The following SYT1 variants were observed in gnomAD, a reference collection of about 807,000 sequenced individuals.
SYT1 encodes synaptotagmin-1.
Under a neutral mutation model 44.8 loss-of-function variants are expected in SYT1, and 8 were observed. That is an observed-to-expected ratio of 0.18 (90% CI 0.10 to 0.32). The LOEUF (loss-of-function observed/expected upper bound fraction) is 0.32. Ranked by LOEUF, SYT1 falls within the 10% of genes least tolerant of loss-of-function variation. The probability of loss-of-function intolerance (pLI) is 1.00; values close to 1 mark genes in which losing one functional copy is unlikely to be tolerated. For missense variants in SYT1, 286 were observed against 509.3 expected (o/e 0.56, Z 4.22); for synonymous variants, 154 against 188.8 (o/e 0.82, Z 1.51).
At chr12:79,014,139 G>GAAAAAAAAAAAAAAAAAAAAAAAA (rs1170016597) in intron 2 of SYT1, among the ~76,000 whole-genome samples, 1 of 90,386 alleles carries the variant, frequency 1.1e-5, no homozygotes, top group South Asian at 3.6e-4. Context: ...AAAAAAAAAA[G>GAAAAAAAAAAAAAAAAAAAAAAAA]AAAAAAAAAA....
At chr12:79,072,443 A>G (rs1047502528) in intron 3 of SYT1, among the ~76,000 whole-genome samples, 2 of 152,158 alleles carry the variant, frequency 1.3e-5, no homozygotes, top group African/African-American at 4.8e-5. Context: ...ACACATAAGC[A>G]TAAATACGTA....
At chr12:79,134,813 C>A (rs1057380732) in intron 3 of SYT1, among the ~76,000 whole-genome samples, 1 of 151,952 alleles carries the variant, frequency 6.6e-6, no homozygotes, top group Non-Finnish European at 1.5e-5. Context: ...TGGTGGTCTC[C>A]AGGGGCCACC....
intron 3 of SYT1, among the ~76,000 whole-genome samples, chr12:79,053,085 T>C (rs1012644011): frequency 9.9e-5 from 15 of 152,078 alleles, no homozygotes; most frequent in Non-Finnish European, 2.2e-4. Flanking sequence ...CTATTCACAA[T>C]AGCAAAGACT....
intron 1 of SYT1, among the ~76,000 whole-genome samples, chr12:78,973,830 A>G (rs903145101): frequency 3.4e-5 from 5 of 149,184 alleles, no homozygotes; most frequent in African/African-American, 7.4e-5. Flanking sequence ...TAGGTCCTAG[A>G]CATGTAGCAA....
At chr12:79,084,468 C>T (rs777609560) in intron 3 of SYT1, among the ~76,000 whole-genome samples, 10 of 151,942 alleles carry the variant, frequency 6.6e-5, no homozygotes, top group Non-Finnish European at 1.0e-4. Flanking sequence ...GTAAGGAGAC[C>T]GAGACTCCAA....
At chr12:78,963,766 C>G (rs937761184) in intron 1 of SYT1, among the ~76,000 whole-genome samples, 8 of 152,132 alleles carry the variant, frequency 5.3e-5, no homozygotes, top group African/African-American at 1.7e-4. Flanking sequence ...CAAGAGGAGG[C>G]TTCTCAGAAA....
intron 1 of SYT1, among the ~76,000 whole-genome samples, chr12:78,888,145 A>G (rs181043451): frequency 5.3e-5 from 8 of 152,060 alleles, no homozygotes; most frequent in Admixed American, 5.2e-4. Context: ...TCCTTTCTTA[A>G]GAAATTGATA....
At chr12:79,447,829 CA>C (rs374236512) in intron 10 of SYT1, among the ~76,000 whole-genome samples, 20 of 152,286 alleles carry the variant, frequency 1.3e-4, no homozygotes, top group African/African-American at 4.8e-4. Context: ...ATATCAATGA[CA>C]TTTCTCATTT....
At chr12:78,936,957 T>C (rs942002609) in intron 1 of SYT1, among the ~76,000 whole-genome samples, 2 of 152,198 alleles carry the variant, frequency 1.3e-5, no homozygotes, top group Non-Finnish European at 2.9e-5. Flanking sequence ...ATAGGAGCTC[T>C]ATCTTCCTTA....
intron 3 of SYT1, among the ~76,000 whole-genome samples, chr12:79,183,271 A>G (rs1872639364): frequency 6.6e-6 from 1 of 151,976 alleles, no homozygotes; most frequent in South Asian, 2.1e-4. Context: ...GTGGTGCTGC[A>G]TAGGATGTAC....
intron 2 of SYT1, among the ~76,000 whole-genome samples, chr12:79,005,778 T>C (rs1332285382): frequency 6.6e-6 from 1 of 152,034 alleles, no homozygotes; most frequent in Non-Finnish European, 1.5e-5. Context: ...TTCCAAAAGC[T>C]TTCACTGAGT....
At position 79,285,831 on chromosome 12, in the gene SYT1, T is replaced by G. The variant is rs758543892; in HGVS notation, c.211T>G (p.Leu71Val). 3 of 1,612,956 alleles carry G rather than the reference T, an allele frequency of 1.9e-6. No individual in the cohort carries two copies. Among genetic ancestry groups the G allele is most frequent in the Middle Eastern group, 3.3e-4 (2 of 6,056 alleles). The change falls in exon 5 of 11, where the codon TTA (leucine) becomes GTA (valine). Residue 71 changes from leucine (L) to valine (V), a missense_variant. This residue lies in a region of SYT1 where 141 missense variants were observed against 165.7 expected (regional missense o/e 0.85). Coordinates refer to ENST00000261205, the MANE Select transcript of SYT1 (RefSeq NM_005639.3). ...TGCAATAGCCATAGTCGCAGTCCTT[T>G]TAGTCCTGACCTGCTGCTTTTGTAT... is the stretch of plus-strand genomic sequence containing the variant. ...LIAIAIVAVL[L>V]VLTCCFCICK...
At chr12:78,959,657 T>C (rs1306411775) in intron 1 of SYT1, among the ~76,000 whole-genome samples, 3 of 152,174 alleles carry the variant, frequency 2.0e-5, no homozygotes, top group Admixed American at 2.0e-4. Context: ...TAGCCTCTTA[T>C]TACAAACAAC....
In SYT1 at chr12:79,424,819, C is replaced by A. The variant is rs1869337798; in HGVS notation, c.929-19254C>A. On this transcript the variant is annotated intron_variant, in intron 9 of 10. Coordinates refer to ENST00000261205, the MANE Select transcript of SYT1 (RefSeq NM_005639.3). The stretch of plus-strand genomic sequence containing the variant: ...AAATAGTTTTGTGTGTGATTGTATG[C>A]AGACCTAGTGTTTTGTTTTTTTTTT... Among the ~76,000 whole-genome samples the A allele has an allele frequency of 2.0e-5, 3 of 151,700 alleles. No individual in the cohort carries two copies. The South Asian group carries it at 6.2e-4, about 31-fold the overall frequency.
At chr12:79,245,490 G>A (rs1245813) in intron 4 of SYT1, among the ~76,000 whole-genome samples, 94,485 of 133,272 alleles carry the variant, frequency 0.71, 33,711 homozygotes, top group African/African-American at 0.79. Context: ...AAAAAAAAAA[G>A]AAAAGAAAAA....
Position 78,882,872 on chromosome 12 carries a change from A to AT in SYT1, c.-217+17772dup, listed in dbSNP as rs529492746. Among the ~76,000 whole-genome samples, 766 of 150,878 alleles carry AT rather than the reference A, an allele frequency of 5.1e-3. 3 individuals carry two copies. The highest frequency in any genetic ancestry group is 0.015 in the African/African-American group (624 of 41,242). On this transcript the variant is annotated intron_variant, in intron 1 of 10. Coordinates refer to ENST00000261205, the MANE Select transcript of SYT1 (RefSeq NM_005639.3). ...TTTTCTCTGAATCATGGCATCATAG[A>AT]TTTTTTTTTCTTGTTTGCTTCTTTT...
intron 9 of SYT1, among the ~76,000 whole-genome samples, chr12:79,398,544 T>C (rs963766567): frequency 1.3e-5 from 2 of 152,124 alleles, no homozygotes; most frequent in Non-Finnish European, 2.9e-5. Flanking sequence ...TTTAACAGAA[T>C]ATGGTCCTTA....
chr12:79,444,027 T>G lies in SYT1; in HGVS notation c.929-46T>G, dbSNP rs372061995. ...TTATAAGCTAACTTATAATCTAAAATATGTGTCTCTGATCTCCTAAAGTTT... is the reference window on the plus strand; with the variant it reads ...TTATAAGCTAACTTATAATCTAAAAGATGTGTCTCTGATCTCCTAAAGTTT... On this transcript the variant is annotated intron_variant, in intron 9 of 10. Transcript: ENST00000261205. 4.5e-5 allele frequency: 72 copies of G among 1,598,930 alleles called. No homozygotes were observed. In the African/African-American group the frequency reaches 8.4e-4, roughly 19 times the overall value.
chr12:78,896,962 C>A (rs1875395885), intron 1 of SYT1, among the ~76,000 whole-genome samples: 1 of 151,726 alleles, frequency 6.6e-6, no homozygotes, highest in Admixed American at 6.6e-5. Flanking sequence ...AATTTACCTT[C>A]CTTAAGTCTG....
Sources: allele counts gnomAD v4.1 joint callset (sites outside exome capture counted in the v4.1 genomes callset), GRCh38; gene constraint gnomAD v4.1.1; regional missense constraint gnomAD v4.1.1; transcripts MANE v1.5; gene names NCBI Gene and HGNC (gene_info 2026-07-23, HGNC 2026-07-21).